The following DSCAML1 variants were observed in gnomAD, a reference collection of about 807,000 sequenced individuals.
The protein encoded by DSCAML1 is DS cell adhesion molecule like 1.
In DSCAML1, 38 loss-of-function variants were observed where a neutral mutation model predicts 200.5. The ratio of observed to expected loss-of-function variants is 0.19; its 90% confidence interval spans 0.15 to 0.25. The LOEUF (loss-of-function observed/expected upper bound fraction) is 0.25. Among genes scored for constraint, DSCAML1 ranks in the 10% least tolerant of loss-of-function variants. The pLI is 1.00. For synonymous variants in DSCAML1, 1,215 were observed against 1,165.0 expected (o/e 1.04, Z -0.87); for missense variants, 2,223 against 2,858.8 (o/e 0.78, Z 5.07).
intron 19 of DSCAML1, 137 bp downstream of exon 19, chr11:117,458,617 C>G: frequency 8.6e-7 from 1 of 1,156,560 alleles, no homozygotes; most frequent in Non-Finnish European, 1.2e-6. Flanking sequence ...CCTCAAGAGT[C>G]CTCAAGGCTA....
intron 3 of DSCAML1, among the ~76,000 whole-genome samples, chr11:117,547,037 A>G (rs2050385601): frequency 6.6e-6 from 1 of 152,188 alleles, no homozygotes; most frequent in Non-Finnish European, 1.5e-5. Flanking sequence ...AGAGAGGAAG[A>G]TGAAAAAAAG....
chr11:117,460,874 C>G (rs552473783), intron 18 of DSCAML1, among the ~76,000 whole-genome samples: 1 of 152,238 alleles, frequency 6.6e-6, no homozygotes, highest in African/African-American at 2.4e-5. Flanking sequence ...GGGAGGCTCT[C>G]CCTGGGTTCT....
At chr11:117,509,444 T>C (rs1201166481) in intron 8 of DSCAML1, among the ~76,000 whole-genome samples, 1 of 152,150 alleles carries the variant, frequency 6.6e-6, no homozygotes, top group Admixed American at 6.5e-5. Context: ...GGGAGGCAGA[T>C]GACCAGATGA....
chr11:117,679,579 C>T (rs1386675963), intron 3 of DSCAML1, among the ~76,000 whole-genome samples: 1 of 152,208 alleles, frequency 6.6e-6, no homozygotes, highest in Non-Finnish European at 1.5e-5. Context: ...CCAGCTGCTC[C>T]ACCCTTTCTC....
At chr11:117,698,924 A>G (rs190525245) in intron 3 of DSCAML1, among the ~76,000 whole-genome samples, 1 of 152,330 alleles carries the variant, frequency 6.6e-6, no homozygotes, top group Admixed American at 6.5e-5. Flanking sequence ...AGTTTTGCCA[A>G]CGCACATGAC....
chr11:117,779,002 A>G (rs537394526), intron 2 of DSCAML1, among the ~76,000 whole-genome samples: 88 of 151,774 alleles, frequency 5.8e-4, no homozygotes, highest in Non-Finnish European at 8.8e-4. Flanking sequence ...ACCCCTACAC[A>G]CTCCCGTTCC....
upstream of DSCAML1, among the ~76,000 whole-genome samples, chr11:117,799,907 G>C (rs2055641426): frequency 6.6e-6 from 1 of 152,228 alleles, no homozygotes; most frequent in African/African-American, 2.4e-5. Context: ...TGGGAACTGG[G>C]AGGAGGGAAC....
chr11:117,754,432 A>G (rs2054652494), intron 3 of DSCAML1, among the ~76,000 whole-genome samples: 1 of 151,938 alleles, frequency 6.6e-6, no homozygotes, highest in Non-Finnish European at 1.5e-5. Context: ...CTGAGCTATG[A>G]CTATATCGTG....
chr11:117,723,687 T>C (rs1361755079), intron 3 of DSCAML1, among the ~76,000 whole-genome samples: 3 of 152,158 alleles, frequency 2.0e-5, no homozygotes, highest in Admixed American at 1.3e-4. Flanking sequence ...CAGTCCCCTG[T>C]TTTTCCCCCT....
chr11:117,748,481 C>A (rs1259641910), intron 3 of DSCAML1, among the ~76,000 whole-genome samples: 1 of 152,202 alleles, frequency 6.6e-6, no homozygotes, highest in Non-Finnish European at 1.5e-5. Context: ...CACCTTCAGC[C>A]ACACAGCCCA....
At chr11:117,478,985 G>A (rs2048853499) in intron 14 of DSCAML1, among the ~76,000 whole-genome samples, 1 of 152,242 alleles carries the variant, frequency 6.6e-6, no homozygotes, top group African/African-American at 2.4e-5. Context: ...GTAGACATGT[G>A]TATCAAAGAT....
chr11:117,481,386 G>C (rs1026358217), intron 12 of DSCAML1, 116 bp from the exon 13 acceptor site: 2 of 935,992 alleles, frequency 2.1e-6, no homozygotes, highest in Non-Finnish European at 3.4e-6. Flanking sequence ...TCTGGGAGGG[G>C]GACCCACAGG....
rs144291151 is a variant in DSCAML1, at chr11:117,479,391, A to G, written c.2785+1052T>C. 3.7e-3 allele frequency among the ~76,000 whole-genome samples: 563 copies of G among 152,352 alleles called. 9 individuals carry two copies. Among genetic ancestry groups the G allele is most frequent in the African/African-American group, 0.013 (523 of 41,574 alleles). On this transcript the variant is annotated intron_variant, in intron 14 of 32. Transcript: ENST00000651296. Reference sequence around the variant, plus strand: ...TTTGTAATTATTTTGAGGAGTGAATACAGGCTTATGGTATCAAATTCAAAA... The same window carrying G: ...TTTGTAATTATTTTGAGGAGTGAATGCAGGCTTATGGTATCAAATTCAAAA...
rs1449743788 is a variant in DSCAML1, at chr11:117,481,235, G to A, written c.2595C>T (p.Phe865=). 8 of 1,613,926 alleles carry A rather than the reference G, an allele frequency of 5.0e-6. No homozygotes were observed. The South Asian group carries it at 8.8e-5, about 18-fold the overall frequency. The change falls in exon 13 of 33, where the codon TTC becomes TTT. Residue 865 remains phenylalanine, a synonymous_variant. Coordinates refer to ENST00000651296, the MANE Select transcript of DSCAML1 (RefSeq NM_020693.4). ...KPADRGDSVF[F]SCHAINSYGE... ...CATACGAGTTGATGGCATGGCAGCT[G>A]AAGAACACAGAGTCCCCACGGTCAG...
chr11:117,698,911 A>G (rs933058192), intron 3 of DSCAML1, among the ~76,000 whole-genome samples: 1 of 152,188 alleles, frequency 6.6e-6, no homozygotes, highest in Admixed American at 6.5e-5. Context: ...GCCCCATCCA[A>G]CTAGTTTTGC....
chr11:117,478,532 T>C (rs547715604), intron 14 of DSCAML1, among the ~76,000 whole-genome samples: 156 of 152,276 alleles, frequency 1.0e-3, no homozygotes, highest in African/African-American at 3.4e-3. Context: ...TCCACTCACA[T>C]TCATTCTTCT....
chr11:117,585,302 T>C (rs1407188679), intron 3 of DSCAML1, among the ~76,000 whole-genome samples: 1 of 152,016 alleles, frequency 6.6e-6, no homozygotes, highest in Non-Finnish European at 1.5e-5. Context: ...CAGGCTGGAG[T>C]GCAGTGGCAT....
intron 3 of DSCAML1, among the ~76,000 whole-genome samples, chr11:117,545,310 C>A (rs897578164): frequency 8.6e-5 from 13 of 152,006 alleles, no homozygotes; most frequent in African/African-American, 3.1e-4. Context: ...GAGGACACAG[C>A]GAGAAGGTGG....
chr11:117,502,024 G>A (rs535256316), intron 11 of DSCAML1, among the ~76,000 whole-genome samples: 20 of 152,214 alleles, frequency 1.3e-4, no homozygotes, highest in Non-Finnish European at 1.9e-4. Context: ...TGTGCAGCAT[G>A]TGTTCAGGAG....
Sources: gnomAD v4.1 joint callset for allele counts (sites outside exome capture counted in the v4.1 genomes callset) on GRCh38, gnomAD v4.1.1 for gene constraint, MANE v1.5 for transcripts, NCBI Gene and HGNC (gene_info 2026-07-23, HGNC 2026-07-21) for gene names.